ITPR3: variants seen among roughly 807,000 people sequenced by gnomAD.
ITPR3 encodes inositol 1,4,5-trisphosphate receptor type 3.
A neutral mutation model predicts 293.2 loss-of-function variants in ITPR3; 173 were observed. That is an observed-to-expected ratio of 0.59 (90% CI 0.52 to 0.67). The LOEUF (loss-of-function observed/expected upper bound fraction) is 0.67. Among genes scored for constraint, ITPR3 ranks in the 30% least tolerant of loss-of-function variants. The pLI, the probability that ITPR3 is intolerant of heterozygous loss-of-function variation, is 0.00. For missense variants in ITPR3, 2,796 were observed against 3,592.1 expected (o/e 0.78, Z 5.66); for synonymous variants, 1,295 against 1,444.4 (o/e 0.90, Z 2.35).
intron 2 of ITPR3, among the ~76,000 whole-genome samples, chr6:33,647,551 C>T (rs1764096551): frequency 6.6e-6 from 1 of 152,168 alleles, no homozygotes. Context: ...AACTACCATT[C>T]TACTCTCTGT....
chr6:33,677,168 G>A, intron 27 of ITPR3, 79 bp downstream of exon 27: 1 of 1,310,920 alleles, frequency 7.6e-7, no homozygotes. Context: ...GGCCCCCTGT[G>A]CCTCTCCCTG....
In ITPR3 at chr6:33,624,562, T is replaced by C. The variant is rs1763511632; in HGVS notation, c.89+2871T>C. Among the ~76,000 whole-genome samples, 1 of 152,242 alleles carries C rather than the reference T, an allele frequency of 6.6e-6. No individual in the cohort carries two copies. On this transcript the variant is annotated intron_variant, in intron 1 of 57. Coordinates refer to ENST00000605930, the MANE Select transcript of ITPR3 (RefSeq NM_002224.4). This position sits in a 1 kb window ranked among gnomAD's most constrained non-coding sequence, Gnocchi z 4.7. ...AGGAGCGTTGCTCTGAGTGATTTTC[T>C]CTCTGCCCCATCCTCCTCAGAATCC...
intron 2 of ITPR3, among the ~76,000 whole-genome samples, chr6:33,652,401 G>A (rs1009797460): frequency 1.3e-5 from 2 of 152,202 alleles, no homozygotes; most frequent in Non-Finnish European, 2.9e-5. Context: ...CGAGTCTGGT[G>A]AGGGTAGCAA....
chr6:33,656,841 TG>T (rs1199684075), intron 3 of ITPR3, among the ~76,000 whole-genome samples: 1 of 151,958 alleles, frequency 6.6e-6, no homozygotes, highest in Non-Finnish European at 1.5e-5. Flanking sequence ...CTAGAGGAGG[TG>T]GGTCTAGAAT....
chr6:33,646,776 A>G (rs115696923), intron 2 of ITPR3, among the ~76,000 whole-genome samples: 2,073 of 152,110 alleles, frequency 0.014, 45 homozygotes, highest in African/African-American at 0.046. Flanking sequence ...AATTAGCTGG[A>G]TGTGGTGGTA....
chr6:33,624,433 A>C lies in ITPR3; in HGVS notation c.89+2742A>C, dbSNP rs1379644209. On this transcript the variant is annotated intron_variant, in intron 1 of 57. Coordinates refer to ENST00000605930, the MANE Select transcript of ITPR3 (RefSeq NM_002224.4). The surrounding 1 kb of genome is among the most constrained non-coding windows in gnomAD (Gnocchi z 4.7). ...TCAGTCCAGCAGCTTCAGCGTCACC[A>C]GGAAGTTTGTCAGAAATGCAGAATC... is the stretch of plus-strand genomic sequence containing the variant. Among the ~76,000 whole-genome samples the C allele has an allele frequency of 1.3e-5, 2 of 152,226 alleles. No homozygotes were observed. The highest frequency in any genetic ancestry group is 4.8e-5 in the African/African-American group (2 of 41,450).
At position 33,672,900 on chromosome 6, in the gene ITPR3, G is replaced by A. The variant is rs1159605124; in HGVS notation, c.2928+672G>A. The stretch of plus-strand genomic sequence containing the variant: ...ACTCCCCAGCCACACCCCAGGAAGG[G>A]GCTCATCCCCGAGGAGGGATGAGGA... On this transcript the variant is annotated intron_variant, in intron 22 of 57. Coordinates refer to ENST00000605930, the MANE Select transcript of ITPR3 (RefSeq NM_002224.4). The surrounding 1 kb of genome is among the most constrained non-coding windows in gnomAD (Gnocchi z 5.0). Among the ~76,000 whole-genome samples the A allele has an allele frequency of 6.6e-6, 1 of 152,162 alleles. No homozygotes were observed. The highest frequency in any genetic ancestry group is 1.9e-4 in the East Asian group (1 of 5,182).
In ITPR3 at chr6:33,687,249, C is replaced by T. The variant is rs200976556; in HGVS notation, c.6099C>T (p.Tyr2033=). Residue 2033 remains tyrosine (Y), a synonymous_variant, in exon 45 of 58, where the codon TAC becomes TAT. Transcript: ENST00000605930. This position sits in a 1 kb window ranked among gnomAD's most constrained non-coding sequence, Gnocchi z 5.3. ...QELVDVIKKA[Y]LQEEERENSE... ...AGGTGGACGTCATCAAGAAGGCCTA[C>T]CTGCAGGAGGAAGAGCGTGAGAACT... 1 of 1,613,374 alleles carries T rather than the reference C, an allele frequency of 6.2e-7. No homozygotes were observed. The highest frequency in any genetic ancestry group is 8.5e-7 in the Non-Finnish European group (1 of 1,179,520).
At chr6:33,673,366 G>A (rs945201748) in intron 22 of ITPR3, among the ~76,000 whole-genome samples, 1 of 152,056 alleles carries the variant, frequency 6.6e-6, no homozygotes, top group South Asian at 2.1e-4. Flanking sequence ...CATCACTGGG[G>A]CAGGAGCTGG....
Position 33,683,328 on chromosome 6 carries a change from G to C in ITPR3, c.4719G>C (p.Thr1573=), listed in dbSNP as rs746631398. 1.3e-6 allele frequency: 2 copies of C among 1,594,270 alleles called. No individual in the cohort carries two copies. Among genetic ancestry groups the C allele is most frequent in the Admixed American group, 3.5e-5 (2 of 56,654 alleles). ...ACGCCTCCAGCTACAAGGCAACCACGCGGGCCTTCCCCCGCGTCACCCCCA... is the reference window on the plus strand; with the variant it reads ...ACGCCTCCAGCTACAAGGCAACCACCCGGGCCTTCCCCCGCGTCACCCCCA... ...QRNASSYKAT[T]RAFPRVTPTA... Residue 1573 remains threonine, a synonymous_variant, in exon 35 of 58, where the codon ACG becomes ACC. Transcript: ENST00000605930. The surrounding 1 kb of genome is among the most constrained non-coding windows in gnomAD (Gnocchi z 4.5).
chr6:33,694,121 G>T (rs77091228), intron 56 of ITPR3, among the ~76,000 whole-genome samples: 8,055 of 152,246 alleles, frequency 0.053, 349 homozygotes, highest in African/African-American at 0.12. Flanking sequence ...CGCTCTCAGG[G>T]AGTGTTTTCT....
chr6:33,665,147 C>A lies in ITPR3; in HGVS notation c.1343C>A (p.Ala448Asp). ...EIRDLDFAND[A>D]SSMLASAVEK... is the part of the protein sequence containing the mutation. ...CGAGACCTGGACTTTGCCAATGACG[C>A]CAGCTCCATGCTGGCCAGTGCCGTG... The change falls in exon 13 of 58, where the codon GCC (alanine) becomes GAC (aspartate). Residue 448 changes from alanine (A) to aspartate (D), a missense_variant. Coordinates refer to ENST00000605930, the MANE Select transcript of ITPR3 (RefSeq NM_002224.4). 1 of 1,614,192 alleles carries A rather than the reference C, an allele frequency of 6.2e-7. No homozygotes were observed. The highest frequency in any genetic ancestry group is 8.5e-7 in the Non-Finnish European group (1 of 1,180,038).
rs146971879 is a variant in ITPR3 at position 33,692,374 on chromosome 6, G to A, written c.7459-354G>A. On this transcript the variant is annotated intron_variant, in intron 54 of 57. Coordinates refer to ENST00000605930, the MANE Select transcript of ITPR3 (RefSeq NM_002224.4). The surrounding 1 kb of genome is among the most constrained non-coding windows in gnomAD (Gnocchi z 4.2). ...AATGTGTGAGGCCAGGCGTCCTGAG[G>A]GTGGGCAGAGGTGTTCAGAGCTGCC... is the stretch of plus-strand genomic sequence containing the variant. Among the ~76,000 whole-genome samples, 6 of 152,226 alleles carry A rather than the reference G, an allele frequency of 3.9e-5. No homozygotes were observed. The highest frequency in any genetic ancestry group is 8.8e-5 in the Non-Finnish European group (6 of 68,010).
intron 23 of ITPR3, 122 bp from the exon 24 acceptor site, chr6:33,674,086 G>GGCAGGCAGAGCAGCTGCTGT: frequency 8.1e-7 from 1 of 1,228,608 alleles, no homozygotes. Context: ...CCCAGAAAGG[G>GGCAGGCAGAGCAGCTGCTGT]GCAGGCAGAG....
At position 33,654,352 on chromosome 6, in the gene ITPR3, A is replaced by G. The variant is rs139378552; in HGVS notation, c.161-1414A>G. ...GCTCTTTCGGAAGTGATGTCCACTCATGCTGGCAATGCTGAGGGGCCTAGG... is the reference window on the plus strand; with the variant it reads ...GCTCTTTCGGAAGTGATGTCCACTCGTGCTGGCAATGCTGAGGGGCCTAGG... On this transcript the variant is annotated intron_variant, in intron 2 of 57. Coordinates refer to ENST00000605930, the MANE Select transcript of ITPR3 (RefSeq NM_002224.4). This position sits in a 1 kb window ranked among gnomAD's most constrained non-coding sequence, Gnocchi z 4.1. Among the ~76,000 whole-genome samples, 21 of 152,302 alleles carry G rather than the reference A, an allele frequency of 1.4e-4. No homozygotes were observed. In the East Asian group the frequency reaches 3.5e-3, roughly 25 times the overall value.
rs1764376101 is a variant in ITPR3, at chr6:33,658,723, C to T, written c.423C>T (p.Ala141=). 6.2e-7 allele frequency: 1 copy of T among 1,614,112 alleles called. No individual in the cohort carries two copies. The highest frequency in any genetic ancestry group is 1.7e-5 in the Admixed American group (1 of 60,010). ...TGACAGTGAACAAGCGGCTTCCGGC[C>T]TTGCTGGAGAAGAACGCCATGCGGG... is the stretch of plus-strand genomic sequence containing the variant. ...KYLTVNKRLP[A]LLEKNAMRVT... The change falls in exon 5 of 58, where the codon GCC becomes GCT. Residue 141 remains alanine, a synonymous_variant. Coordinates refer to ENST00000605930, the MANE Select transcript of ITPR3 (RefSeq NM_002224.4). This position sits in a 1 kb window ranked among gnomAD's most constrained non-coding sequence, Gnocchi z 6.1.
chr6:33,677,376 A>C (rs985572043), intron 27 of ITPR3, 128 bp from the exon 28 acceptor site: 2 of 1,329,422 alleles, frequency 1.5e-6, no homozygotes, highest in South Asian at 2.8e-5. Context: ...CAAGGGTCTG[A>C]TTCAGCGCCT....
rs748516962 is a variant in ITPR3 at position 33,693,607 on chromosome 6, CACA to C, written c.7691_7693del (p.Asn2564del). ...ATTTGAGGAACACATCAAGCTGGAG[CACA>C]ACATGTGGAACTACTTGTACTTCAT... On this transcript the variant is annotated inframe_deletion, in exon 56 of 58. Coordinates refer to ENST00000605930, the MANE Select transcript of ITPR3 (RefSeq NM_002224.4). 6.8e-6 allele frequency: 11 copies of C among 1,614,090 alleles called. No homozygotes were observed. Among genetic ancestry groups the C allele is most frequent in the Admixed American group, 5.0e-5 (3 of 60,008 alleles).
At chr6:33,643,228 C>T (rs1012498930) in intron 2 of ITPR3, among the ~76,000 whole-genome samples, 1 of 152,196 alleles carries the variant, frequency 6.6e-6, no homozygotes, top group African/African-American at 2.4e-5. Flanking sequence ...GTTCTGCCCC[C>T]CACCATCTTG....
Sources: gnomAD v4.1 joint callset for allele counts (sites outside exome capture counted in the v4.1 genomes callset) on GRCh38, gnomAD v4.1.1 for gene constraint, Gnocchi (gnomAD v3.1) non-coding constraint, MANE v1.5 for transcripts, NCBI Gene and HGNC (gene_info 2026-07-23, HGNC 2026-07-21) for gene names.